The following MALRD1 variants were observed in gnomAD, a reference collection of about 807,000 sequenced individuals.
The protein encoded by MALRD1 is MAM and LDL-receptor class A domain-containing protein 1.
Under a neutral mutation model 242.1 loss-of-function variants are expected in MALRD1, and 247 were observed. The ratio of observed to expected loss-of-function variants is 1.02; its 90% CI spans 0.92 to 1.13. MALRD1 has a LOEUF of 1.13. Among genes scored for constraint, MALRD1 ranks in the 50% most tolerant of loss-of-function variants. The probability of loss-of-function intolerance (pLI) is 0.00; values close to 1 mark genes in which losing one functional copy is unlikely to be tolerated. For synonymous variants in MALRD1, 995 were observed against 866.6 expected (o/e 1.15, Z -2.60); for missense variants, 2,989 against 2,533.1 (o/e 1.18, Z -3.86).
intron 36 of MALRD1, among the ~76,000 whole-genome samples, chr10:19,690,393 G>C (rs1446449427): frequency 6.6e-6 from 1 of 151,966 alleles, no homozygotes; most frequent in African/African-American, 2.4e-5. Flanking sequence ...TCCCTATGAA[G>C]ATTCCAATTC....
chr10:19,428,103 G>C (rs1335750577), intron 28 of MALRD1, among the ~76,000 whole-genome samples: 3 of 151,822 alleles, frequency 2.0e-5, no homozygotes, highest in Non-Finnish European at 4.4e-5. Context: ...GTTTGACCCA[G>C]CGTCACTTTC....
At chr10:19,536,467 A>C (rs1177153989) in intron 32 of MALRD1, among the ~76,000 whole-genome samples, 1 of 150,942 alleles carries the variant, frequency 6.6e-6, no homozygotes. Context: ...CTCTCGTTTT[A>C]GGGATGGAAA....
At chr10:19,301,031 T>A (rs1025850795) in intron 21 of MALRD1, among the ~76,000 whole-genome samples, 27 of 151,516 alleles carry the variant, frequency 1.8e-4, no homozygotes, top group African/African-American at 6.5e-4. Context: ...AACCAAATAA[T>A]CCCGTTAGAA....
chr10:19,177,374 T>C (rs1372930793), intron 14 of MALRD1, among the ~76,000 whole-genome samples: 1 of 151,976 alleles, frequency 6.6e-6, no homozygotes, highest in Non-Finnish European at 1.5e-5. Context: ...CTTAATTAAA[T>C]ACCACATCAC....
intron 38 of MALRD1, among the ~76,000 whole-genome samples, chr10:19,713,918 A>G (rs1260516607): frequency 6.6e-6 from 1 of 152,162 alleles, no homozygotes; most frequent in South Asian, 2.1e-4. Context: ...AGAGCATGCA[A>G]TGGGTGTGTG....
intron 18 of MALRD1, among the ~76,000 whole-genome samples, chr10:19,241,711 G>T (rs1020482906): frequency 6.6e-6 from 1 of 151,922 alleles, no homozygotes; most frequent in African/African-American, 2.4e-5. Flanking sequence ...TTCCCTCTTA[G>T]AACTGCTTTT....
At chr10:19,094,117 C>T (rs1342232806) in intron 4 of MALRD1, among the ~76,000 whole-genome samples, 1 of 110,986 alleles carries the variant, frequency 9.0e-6, no homozygotes, top group Non-Finnish European at 1.9e-5. Context: ...TGGTGGGCTC[C>T]ACCCAGTTGG....
At chr10:19,236,518 G>C (rs1040415023) in intron 18 of MALRD1, among the ~76,000 whole-genome samples, 1 of 152,086 alleles carries the variant, frequency 6.6e-6, no homozygotes, top group Non-Finnish European at 1.5e-5. Context: ...ACTTGATAAG[G>C]TATCCCATTA....
At chr10:19,443,032 C>G (rs1834759201) in intron 28 of MALRD1, among the ~76,000 whole-genome samples, 1 of 152,274 alleles carries the variant, frequency 6.6e-6, no homozygotes, top group Admixed American at 6.5e-5. Flanking sequence ...TCAACTTCTT[C>G]CTGGTTTAGT....
intron 27 of MALRD1, among the ~76,000 whole-genome samples, chr10:19,388,387 G>T (rs535453264): frequency 6.6e-6 from 1 of 152,254 alleles, no homozygotes; most frequent in Admixed American, 6.5e-5. Flanking sequence ...CATTAATTCA[G>T]CAATTGAAGT....
At chr10:19,440,040 C>T (rs2130981348) in intron 28 of MALRD1, among the ~76,000 whole-genome samples, 1 of 152,288 alleles carries the variant, frequency 6.6e-6, no homozygotes, top group Admixed American at 6.5e-5. Flanking sequence ...GTACTCATCA[C>T]ACTTTAGGTG....
chr10:19,069,828 C>T (rs1835088382), intron 2 of MALRD1, among the ~76,000 whole-genome samples: 1 of 151,742 alleles, frequency 6.6e-6, no homozygotes, highest in African/African-American at 2.4e-5. Context: ...TGGATTTCAG[C>T]ACGAACATTT....
At chr10:19,138,162 C>CAGACTCCT (rs3043375) in intron 10 of MALRD1, among the ~76,000 whole-genome samples, 137,313 of 151,862 alleles carry the variant, frequency 0.9, 62,309 homozygotes, top group East Asian at 1. Context: ...GTTAATACTT[C>CAGACTCCT]AGCTTTAAAC....
chr10:19,327,450 A>C, intron 22 of MALRD1, 113 bp from the exon 23 acceptor site: 1 of 700,056 alleles, frequency 1.4e-6, no homozygotes, highest in East Asian at 2.7e-5. Context: ...TCTCTCCAGG[A>C]CTTCATGTTG....
At chr10:19,475,904 C>T (rs549263214) in intron 29 of MALRD1, among the ~76,000 whole-genome samples, 2 of 152,242 alleles carry the variant, frequency 1.3e-5, no homozygotes, top group South Asian at 2.1e-4. Flanking sequence ...ATTCTAAAAC[C>T]TCATGTTTGG....
chr10:19,497,861 G>C (rs1364704658), intron 30 of MALRD1, among the ~76,000 whole-genome samples: 2 of 151,836 alleles, frequency 1.3e-5, no homozygotes, highest in Admixed American at 6.6e-5. Flanking sequence ...CTTTTCACAG[G>C]TGACTAGAAA....
At chr10:19,536,443 T>C (rs4506521) in intron 32 of MALRD1, among the ~76,000 whole-genome samples, 5,774 of 152,106 alleles carry the variant, frequency 0.038, 327 homozygotes, top group African/African-American at 0.12. Flanking sequence ...TTTGGTGACA[T>C]TCTTCCTTCG....
At chr10:19,604,807 G>A (rs577870557) in intron 34 of MALRD1, among the ~76,000 whole-genome samples, 71 of 152,214 alleles carry the variant, frequency 4.7e-4, no homozygotes, top group Admixed American at 7.9e-4. Context: ...AAGGTATAGT[G>A]CAGACATAAC....
Position 19,566,547 on chromosome 10 carries a change from A to G in MALRD1, c.5479-955A>G, listed in dbSNP as rs1226370769. ...GTCACTGGAAAAATGTACTATTGCA[A>G]TAGAAGAAAATTAATATCCATGTGT... On this transcript the variant is annotated intron_variant, in intron 32 of 39. Coordinates refer to ENST00000454679, the MANE Select transcript of MALRD1 (RefSeq NM_001142308.3). Among the ~76,000 whole-genome samples the G allele has an allele frequency of 5.3e-5, 8 of 151,488 alleles. No homozygotes were observed. The East Asian group carries it at 1.2e-3, about 22-fold the overall frequency.
Sources: gnomAD v4.1 joint callset for allele counts (sites outside exome capture counted in the v4.1 genomes callset) on GRCh38, gnomAD v4.1.1 for gene constraint, MANE v1.5 for transcripts, NCBI Gene and HGNC (gene_info 2026-07-23, HGNC 2026-07-21) for gene names.